The following WWOX variants were observed in gnomAD, a reference collection of about 807,000 sequenced individuals.
The protein encoded by WWOX is WW domain-containing oxidoreductase.
Under a neutral mutation model 46.2 loss-of-function variants are expected in WWOX, and 69 were observed. The ratio of observed to expected loss-of-function variants is 1.49; its 90% CI spans 1.23 to 1.82. The LOEUF (loss-of-function observed/expected upper bound fraction) is 1.82. WWOX is among the 40% of genes most tolerant of loss of function. WWOX has a pLI of 0.00. For synonymous variants in WWOX, 359 were observed against 202.6 expected, an observed-to-expected ratio of 1.77 and a Z score of -6.56; for missense variants, 919 against 542.6, an observed-to-expected ratio of 1.69 and a Z score of -6.89.
intron 8 of WWOX, among the ~76,000 whole-genome samples, chr16:78,720,440 A>T (rs915576105): frequency 6.6e-6 from 1 of 150,700 alleles, no homozygotes; most frequent in Non-Finnish European, 1.5e-5. Flanking sequence ...TTATATTTTG[A>T]AATTCCCAAT....
intron 8 of WWOX, among the ~76,000 whole-genome samples, chr16:78,975,630 C>A (rs1384881518): frequency 6.6e-6 from 1 of 152,060 alleles, no homozygotes; most frequent in Non-Finnish European, 1.5e-5. Context: ...TGTTTATTCC[C>A]CAACTGTCGT....
chr16:78,913,719 T>C (rs963132830), intron 8 of WWOX, among the ~76,000 whole-genome samples: 2 of 151,648 alleles, frequency 1.3e-5, no homozygotes, highest in African/African-American at 4.8e-5. Context: ...TTGGGTGCAA[T>C]GGTGCCATCA....
At chr16:78,370,267 T>G (rs2151920594) in intron 5 of WWOX, among the ~76,000 whole-genome samples, 1 of 152,298 alleles carries the variant, frequency 6.6e-6, no homozygotes, top group South Asian at 2.1e-4. Context: ...AGTTTGCTCC[T>G]TAGCAAGATG....
intron 8 of WWOX, among the ~76,000 whole-genome samples, chr16:78,479,745 G>T (rs746149229): frequency 6.6e-6 from 1 of 152,154 alleles, no homozygotes; most frequent in Non-Finnish European, 1.5e-5. Context: ...CCTCTGGCCT[G>T]GGAGTCTAGA....
intron 8 of WWOX, among the ~76,000 whole-genome samples, chr16:78,752,090 T>G (rs1370085078): frequency 6.6e-6 from 1 of 152,192 alleles, no homozygotes; most frequent in Non-Finnish European, 1.5e-5. Context: ...AAACTTTGTC[T>G]TTGTTTTAAA....
intron 5 of WWOX, among the ~76,000 whole-genome samples, chr16:78,287,867 G>A (rs2079795412): frequency 1.3e-5 from 2 of 152,120 alleles, no homozygotes; most frequent in Non-Finnish European, 1.5e-5. Context: ...GTAGTGGCCT[G>A]TTTTAATGTT....
At chr16:78,776,729 A>G (rs772503023) in intron 8 of WWOX, among the ~76,000 whole-genome samples, 3 of 152,104 alleles carry the variant, frequency 2.0e-5, no homozygotes, top group Non-Finnish European at 4.4e-5. Flanking sequence ...AAAACTTACG[A>G]TCATGGTGGA....
chr16:78,311,450 C>G (rs1348076336), intron 5 of WWOX, among the ~76,000 whole-genome samples: 5 of 152,174 alleles, frequency 3.3e-5, no homozygotes, highest in Non-Finnish European at 2.9e-5. Context: ...TCCTTCACCC[C>G]CAGGAGCACT....
chr16:79,005,398 G>A (rs1481296575), intron 8 of WWOX, among the ~76,000 whole-genome samples: 2 of 152,150 alleles, frequency 1.3e-5, no homozygotes, highest in Non-Finnish European at 2.9e-5. Flanking sequence ...TAGCACATTC[G>A]TTTCTTAGGC....
intron 8 of WWOX, among the ~76,000 whole-genome samples, chr16:78,655,424 GT>G (rs1219780914): frequency 1.3e-5 from 2 of 152,170 alleles, no homozygotes; most frequent in Non-Finnish European, 2.9e-5. Context: ...GATCCATAAT[GT>G]TTTTAGAAGT....
chr16:79,047,375 C>A (rs185817278), intron 8 of WWOX, among the ~76,000 whole-genome samples: 7 of 152,214 alleles, frequency 4.6e-5, no homozygotes, highest in Non-Finnish European at 8.8e-5. Context: ...TTTGACAAGG[C>A]CAGAAATAGA....
intron 8 of WWOX, among the ~76,000 whole-genome samples, chr16:78,603,493 G>A (rs376860403): frequency 7.2e-5 from 11 of 152,102 alleles, no homozygotes; most frequent in Non-Finnish European, 1.5e-4. Flanking sequence ...CCAGGAGTTC[G>A]AGACCAGCCT....
intron 5 of WWOX, among the ~76,000 whole-genome samples, chr16:78,331,804 T>G (rs1222939787): frequency 6.6e-6 from 1 of 151,468 alleles, no homozygotes; most frequent in East Asian, 2.0e-4. Context: ...TTGTGGCATA[T>G]GCATTGGCAT....
chr16:79,109,352 C>T (rs1467054674), intron 8 of WWOX, among the ~76,000 whole-genome samples: 1 of 152,150 alleles, frequency 6.6e-6, no homozygotes, highest in Non-Finnish European at 1.5e-5. Context: ...ACAAAGACTA[C>T]CTCCACTAGC....
At chr16:78,982,020 C>T (rs886827451) in intron 8 of WWOX, among the ~76,000 whole-genome samples, 2 of 152,172 alleles carry the variant, frequency 1.3e-5, no homozygotes, top group Non-Finnish European at 2.9e-5. Context: ...CAACATCTGT[C>T]TCTAAGGGCT....
At chr16:78,656,969 G>C (rs1056258599) in intron 8 of WWOX, among the ~76,000 whole-genome samples, 4 of 152,208 alleles carry the variant, frequency 2.6e-5, no homozygotes, top group Non-Finnish European at 4.4e-5. Context: ...AGATTCTGGA[G>C]TGTTAGGGTC....
intron 5 of WWOX, among the ~76,000 whole-genome samples, chr16:78,231,180 G>A (rs942958797): frequency 1.3e-5 from 2 of 152,096 alleles, no homozygotes; most frequent in Non-Finnish European, 2.9e-5. Flanking sequence ...TGGAGGAGAG[G>A]GATTTGCTCT....
intron 5 of WWOX, among the ~76,000 whole-genome samples, chr16:78,351,079 G>A (rs930200433): frequency 6.6e-6 from 1 of 152,096 alleles, no homozygotes; most frequent in Non-Finnish European, 1.5e-5. Flanking sequence ...TATGATTATT[G>A]GATGGATGAT....
chr16:78,174,300 C>A (rs1208642022), intron 5 of WWOX, among the ~76,000 whole-genome samples: 1 of 152,052 alleles, frequency 6.6e-6, no homozygotes, highest in African/African-American at 2.4e-5. Context: ...AAAGCAGAAA[C>A]TGCCTGATAA....
Sources: gnomAD v4.1 joint callset for allele counts (sites outside exome capture counted in the v4.1 genomes callset) on GRCh38, gnomAD v4.1.1 for gene constraint, MANE v1.5 for transcripts, NCBI Gene and HGNC (gene_info 2026-07-23, HGNC 2026-07-21) for gene names.